The following NR2C1 variants were observed in gnomAD, a reference collection of about 807,000 sequenced individuals.
The protein encoded by NR2C1 is TR2 nuclear hormone receptor.
A neutral mutation model predicts 74.8 loss-of-function variants in NR2C1; 33 were observed. That is an observed-to-expected ratio of 0.44 (90% confidence interval 0.33 to 0.59). The LOEUF is 0.59. Ranked by LOEUF, NR2C1 falls within the 20% of genes least tolerant of loss-of-function variation. The pLI is 0.02. For synonymous variants in NR2C1, 225 were observed against 240.6 expected (o/e 0.94, Z 0.60); for missense variants, 568 against 715.6 (o/e 0.79, Z 2.35).
At chr12:95,043,603 C>T (rs77352263) in intron 9 of NR2C1, among the ~76,000 whole-genome samples, 30,070 of 148,788 alleles carry the variant, frequency 0.2, 3,064 homozygotes, top group Non-Finnish European at 0.23. Flanking sequence ...GTGCCAAGAA[C>T]AGCTGGAACC....
chr12:95,056,761 A>G (rs188183691), intron 7 of NR2C1, among the ~76,000 whole-genome samples: 1 of 152,274 alleles, frequency 6.6e-6, no homozygotes, highest in African/African-American at 2.4e-5. Context: ...GATCGAGACC[A>G]TCCTGGCTAA....
At chr12:95,071,905 C>T (rs1375096558) in intron 1 of NR2C1, among the ~76,000 whole-genome samples, 2 of 151,490 alleles carry the variant, frequency 1.3e-5, no homozygotes, top group African/African-American at 2.4e-5. Context: ...TGCGCCACCA[C>T]GCCCGACTAA....
At chr12:95,046,203 T>C (rs1193312429) in intron 9 of NR2C1, among the ~76,000 whole-genome samples, 1 of 152,172 alleles carries the variant, frequency 6.6e-6, no homozygotes, top group African/African-American at 2.4e-5. Context: ...AGTTTCATTA[T>C]TAGACTATTT....
intron 10 of NR2C1, among the ~76,000 whole-genome samples, chr12:95,035,732 G>T (rs1250592854): frequency 6.6e-6 from 1 of 152,130 alleles, no homozygotes; most frequent in Non-Finnish European, 1.5e-5. Flanking sequence ...AACCCTGATG[G>T]TATAGCTAGC....
chr12:95,056,848 A>G (rs900812935), intron 7 of NR2C1, among the ~76,000 whole-genome samples: 1 of 151,114 alleles, frequency 6.6e-6, no homozygotes, highest in Non-Finnish European at 1.5e-5. Context: ...AGTCCCAGCT[A>G]TTCAGGAGGC....
intron 9 of NR2C1, among the ~76,000 whole-genome samples, chr12:95,043,871 C>G (rs1592750429): frequency 6.6e-6 from 1 of 152,002 alleles, no homozygotes; most frequent in East Asian, 1.9e-4. Context: ...ACTAAAGGGA[C>G]TCGTTATTTA....
intron 7 of NR2C1, among the ~76,000 whole-genome samples, chr12:95,056,054 C>G (rs1381395670): frequency 2.6e-5 from 4 of 151,540 alleles, no homozygotes; most frequent in Non-Finnish European, 5.9e-5. Flanking sequence ...GTCACTTGAG[C>G]CCAGGAGTTC....
At chr12:95,065,505 G>A (rs974533495) in intron 2 of NR2C1, among the ~76,000 whole-genome samples, 4 of 152,018 alleles carry the variant, frequency 2.6e-5, no homozygotes, top group South Asian at 2.1e-4. Context: ...GTACATAGGT[G>A]TGTATTATCT....
intron 9 of NR2C1, among the ~76,000 whole-genome samples, chr12:95,043,689 C>CCAAAAAAAAAAAAAAA (rs575940640): frequency 1.3e-4 from 12 of 94,280 alleles, no homozygotes; most frequent in African/African-American, 4.4e-4. Context: ...GACTCTGTCT[C>CCAAAAAAAAAAAAAAA]AAAAAAAAAA....
intron 7 of NR2C1, among the ~76,000 whole-genome samples, chr12:95,054,716 GTC>G (rs1265404916): frequency 2.6e-5 from 4 of 152,088 alleles, no homozygotes; most frequent in Non-Finnish European, 5.9e-5. Flanking sequence ...AGCTTATATA[GTC>G]TCTTCTACCT....
At chr12:95,043,304 AGT>A (rs2136133382) in intron 9 of NR2C1, among the ~76,000 whole-genome samples, 1 of 152,026 alleles carries the variant, frequency 6.6e-6, no homozygotes, top group African/African-American at 2.4e-5. Flanking sequence ...ACCCAAGGTG[AGT>A]AAAAAGGAAG....
chr12:95,053,720 T>G (rs1259435595), intron 7 of NR2C1, among the ~76,000 whole-genome samples: 2 of 141,390 alleles, frequency 1.4e-5, no homozygotes, highest in Non-Finnish European at 3.0e-5. Context: ...AGTCTTACTC[T>G]GTCGCCAGGC....
At chr12:95,063,413 A>T (rs557020777) in intron 2 of NR2C1, among the ~76,000 whole-genome samples, 1 of 152,220 alleles carries the variant, frequency 6.6e-6, no homozygotes, top group Non-Finnish European at 1.5e-5. Flanking sequence ...CAGGGATTAC[A>T]GTAGAATATG....
chr12:95,026,793 G>C (rs1037193820), intron 12 of NR2C1: 1 of 152,062 alleles, frequency 6.6e-6, no homozygotes, highest in Admixed American at 6.6e-5. Flanking sequence ...GAACCTAAGA[G>C]AACAGTCAAT....
chr12:95,052,195 C>G (rs1360357545), intron 7 of NR2C1, among the ~76,000 whole-genome samples: 2 of 149,334 alleles, frequency 1.3e-5, no homozygotes, highest in African/African-American at 4.9e-5. Flanking sequence ...CTCACTCTGT[C>G]ACTAGGCTGG....
intron 10 of NR2C1, among the ~76,000 whole-genome samples, chr12:95,037,339 C>T (rs886429795): frequency 3.0e-4 from 45 of 152,176 alleles, no homozygotes; most frequent in African/African-American, 1.0e-3. Context: ...AACAGAAAAT[C>T]AATACCTTTG....
intron 9 of NR2C1, among the ~76,000 whole-genome samples, chr12:95,048,625 T>C: frequency 6.7e-6 from 1 of 148,798 alleles, no homozygotes; most frequent in African/African-American, 2.5e-5. Context: ...CAGATGAGTT[T>C]TTTTTTTTTT....
At chr12:95,064,454 G>A (rs974029311) in intron 2 of NR2C1, among the ~76,000 whole-genome samples, 6 of 152,092 alleles carry the variant, frequency 3.9e-5, no homozygotes, top group Non-Finnish European at 7.4e-5. Flanking sequence ...CAGGGTAGCA[G>A]CCATGCTGGG....
At chr12:95,065,323 C>T (rs887863649) in intron 2 of NR2C1, among the ~76,000 whole-genome samples, 3 of 152,088 alleles carry the variant, frequency 2.0e-5, no homozygotes, top group Admixed American at 2.0e-4. Context: ...GCTGGGATTA[C>T]AGGCGCCCGC....
Sources: allele counts gnomAD v4.1 joint callset (sites outside exome capture counted in the v4.1 genomes callset), GRCh38; gene constraint gnomAD v4.1.1; transcripts MANE v1.5; gene names NCBI Gene and HGNC (gene_info 2026-07-23, HGNC 2026-07-21).